Variants in BOLL observed in about 807,000 individuals in gnomAD.
The protein encoded by BOLL is boule RNA binding protein, also known as protein boule-like.
A neutral mutation model predicts 44.4 loss-of-function variants in BOLL; 23 were observed. The ratio of observed to expected loss-of-function variants is 0.52; its 90% CI spans 0.37 to 0.73. The LOEUF (loss-of-function observed/expected upper bound fraction) is 0.73. Among genes scored for constraint, BOLL ranks in the 30% least tolerant of loss-of-function variants. BOLL has a pLI of 0.00. For synonymous variants in BOLL, 97 were observed against 110.8 expected (o/e 0.88, Z 0.78); for missense variants, 287 against 338.3 (o/e 0.85, Z 1.19).
chr2:197,731,884 C>G (rs929777372), intron 10 of BOLL, among the ~76,000 whole-genome samples: 1 of 150,272 alleles, frequency 6.7e-6, no homozygotes, highest in Non-Finnish European at 1.5e-5. Flanking sequence ...AATTGACACC[C>G]TAACCTCACA....
chr2:197,775,655 C>A lies in BOLL; in HGVS notation c.352+10G>T. On this transcript the variant is annotated intron_variant, in intron 5 of 10. Coordinates refer to ENST00000392296, the MANE Select transcript of BOLL (RefSeq NM_033030.6). ...AAATATTTAAAAATACATTAGTTCT[C>A]AATACATACGAGGGATCCCTACTTG... 2 of 1,497,690 alleles carry A rather than the reference C, an allele frequency of 1.3e-6. No homozygotes were observed. The highest frequency in any genetic ancestry group is 2.5e-5 in the South Asian group (2 of 78,468). The allele number at this position is 1,497,690 out of a possible 1,614,324, so 92.8% of individuals were successfully genotyped here. A position where few individuals can be genotyped will look rare whatever the true frequency, so the allele number is the denominator to read the frequency against.
chr2:197,765,908 A>G (rs1175394722), intron 7 of BOLL, among the ~76,000 whole-genome samples: 1 of 151,968 alleles, frequency 6.6e-6, no homozygotes, highest in East Asian at 1.9e-4. Context: ...ATGAGTTCTC[A>G]TCATTTAGCT....
intron 3 of BOLL, among the ~76,000 whole-genome samples, chr2:197,777,431 A>G (rs1316359209): frequency 6.6e-6 from 1 of 151,918 alleles, no homozygotes; most frequent in Non-Finnish European, 1.5e-5. Flanking sequence ...AATCCAGAGC[A>G]ATAATCTCCT....
At chr2:197,779,799 T>C (rs956779494) in intron 2 of BOLL, among the ~76,000 whole-genome samples, 3 of 152,038 alleles carry the variant, frequency 2.0e-5, no homozygotes, top group African/African-American at 7.2e-5. Context: ...TTTCTCAGAA[T>C]ACTGACACTA....
intron 10 of BOLL, among the ~76,000 whole-genome samples, chr2:197,734,209 A>G (rs1687360323): frequency 6.6e-6 from 1 of 151,866 alleles, no homozygotes; most frequent in African/African-American, 2.4e-5. Flanking sequence ...AACACATGAA[A>G]AAATGCTCAT....
In BOLL at chr2:197,743,136, T is replaced by C; in HGVS notation, c.753A>G (p.Gln251=). 4 of 1,603,172 alleles carry C rather than the reference T, an allele frequency of 2.5e-6. No individual in the cohort carries two copies. Among genetic ancestry groups the C allele is most frequent in the Non-Finnish European group, 3.4e-6 (4 of 1,174,676 alleles). The change falls in exon 10 of 11, where the codon CAA becomes CAG. Residue 251 remains glutamine, a synonymous_variant. Transcript: ENST00000392296. ...GAGCATAAACCTGGTGATATGTTGC[T>C]TGAACTCCATGATCAGAATAAGGCT... ...VPEPYSDHGV[Q]ATYHQVYAPS...
At chr2:197,762,408 C>G (rs1243290739) in intron 7 of BOLL, among the ~76,000 whole-genome samples, 1 of 151,918 alleles carries the variant, frequency 6.6e-6, no homozygotes, top group Non-Finnish European at 1.5e-5. Context: ...CCAAACAGAC[C>G]TAACAGCCAT....
chr2:197,732,167 G>T (rs1385382551), intron 10 of BOLL, among the ~76,000 whole-genome samples: 1 of 151,024 alleles, frequency 6.6e-6, no homozygotes, highest in African/African-American at 2.4e-5. Flanking sequence ...TACCATCAGA[G>T]AATACTACAA....
At chr2:197,782,739 C>T (rs1403388249) in intron 1 of BOLL, among the ~76,000 whole-genome samples, 1 of 152,126 alleles carries the variant, frequency 6.6e-6, no homozygotes, top group Non-Finnish European at 1.5e-5. Context: ...TGGTCATCGA[C>T]AAGTTAATAA....
intron 9 of BOLL, among the ~76,000 whole-genome samples, chr2:197,746,484 C>T (rs1232518551): frequency 6.6e-6 from 1 of 152,268 alleles, no homozygotes; most frequent in Middle Eastern, 3.4e-3. Context: ...AGAAGGAGAT[C>T]CTGTCATTTA....
At chr2:197,736,615 A>G (rs1687506441) in intron 10 of BOLL, among the ~76,000 whole-genome samples, 1 of 152,096 alleles carries the variant, frequency 6.6e-6, no homozygotes. Flanking sequence ...TTAAAATAAA[A>G]TGTTAAAAAA....
chr2:197,737,243 A>G (rs1016415084), intron 10 of BOLL, among the ~76,000 whole-genome samples: 1 of 152,100 alleles, frequency 6.6e-6, no homozygotes, highest in African/African-American at 2.4e-5. Flanking sequence ...GTAGTGCCAT[A>G]TTCAATTTTT....
chr2:197,741,277 CTGTT>C (rs1478423751), intron 10 of BOLL, among the ~76,000 whole-genome samples: 3 of 152,138 alleles, frequency 2.0e-5, no homozygotes, highest in African/African-American at 7.2e-5. Context: ...ATTTGGCTCT[CTGTT>C]TGTCTGTTAT....
chr2:197,781,314 A>G (rs1351717644), intron 2 of BOLL, among the ~76,000 whole-genome samples: 1 of 152,208 alleles, frequency 6.6e-6, no homozygotes, highest in Non-Finnish European at 1.5e-5. Context: ...GTAAAGAAAT[A>G]GTATTTCATA....
intron 7 of BOLL, among the ~76,000 whole-genome samples, chr2:197,759,533 A>C (rs1688660770): frequency 6.6e-6 from 1 of 151,986 alleles, no homozygotes; most frequent in Admixed American, 6.5e-5. Context: ...CTAGGGGGCC[A>C]GTAGCTATTG....
Position 197,781,760 on chromosome 2 carries a change from TCA to T in BOLL, c.89_90del (p.Val30AspfsTer3). 1.2e-6 allele frequency: 2 copies of T among 1,601,174 alleles called. No homozygotes were observed. The highest frequency in any genetic ancestry group is 1.7e-6 in the Non-Finnish European group (2 of 1,171,174). On this transcript the variant is annotated frameshift_variant, in exon 2 of 11. Transcript: ENST00000392296. LOFTEE classifies it high-confidence loss of function. Reference sequence around the variant, plus strand: ...CCTCCTACAAAGATGCGATTAGGGATCACTGTTCCATATCTTGGGGCACTTGT... The same window carrying T: ...CCTCCTACAAAGATGCGATTAGGGATCTGTTCCATATCTTGGGGCACTTGT... ...NPTSAPRYGT[V>X]IPNRIFVGGI...
chr2:197,782,686 A>G (rs990099417), intron 1 of BOLL, among the ~76,000 whole-genome samples: 7 of 152,106 alleles, frequency 4.6e-5, no homozygotes, highest in African/African-American at 7.2e-5. Context: ...AACAGACCCA[A>G]CTTTACTAAA....
At chr2:197,761,563 C>T (rs180800176) in intron 7 of BOLL, among the ~76,000 whole-genome samples, 135 of 152,136 alleles carry the variant, frequency 8.9e-4, no homozygotes, top group African/African-American at 3.1e-3. Context: ...GCAAAATAAC[C>T]AGAAAATGAT....
chr2:197,771,048 C>T (rs1332479886), intron 6 of BOLL, among the ~76,000 whole-genome samples: 4 of 152,008 alleles, frequency 2.6e-5, no homozygotes, highest in South Asian at 2.1e-4. Flanking sequence ...AACATGTAAA[C>T]GTATGTTTAC....
Sources: allele counts gnomAD v4.1 joint callset (sites outside exome capture counted in the v4.1 genomes callset), GRCh38; gene constraint gnomAD v4.1.1; transcripts MANE v1.5; gene names NCBI Gene and HGNC (gene_info 2026-07-23, HGNC 2026-07-21).